Variants in CAPRIN2 observed in about 807,000 individuals in gnomAD.
The protein encoded by CAPRIN2 is caprin-2.
CAPRIN2 carries 66 observed loss-of-function variants against 130.4 expected under a neutral mutation model. That is an observed-to-expected ratio of 0.51 (90% CI 0.42 to 0.62). The LOEUF (loss-of-function observed/expected upper bound fraction) is 0.62, where lower values mean the gene tolerates loss of function less well. Ranked by LOEUF, CAPRIN2 falls within the 20% of genes least tolerant of loss-of-function variation. CAPRIN2 has a pLI of 0.00. For synonymous variants in CAPRIN2, 471 were observed against 444.1 expected (o/e 1.06, Z -0.76); for missense variants, 1,185 against 1,246.6 (o/e 0.95, Z 0.74).
intron 12 of CAPRIN2, chr12:30,719,127 A>C: frequency 6.2e-7 from 1 of 1,614,078 alleles, no homozygotes; most frequent in Non-Finnish European, 8.5e-7. Flanking sequence ...CTGAACTACT[A>C]CTTGCTGGAG....
At position 30,731,525 on chromosome 12, in the gene CAPRIN2, T is replaced by C. The variant is rs2062672437; in HGVS notation, c.893-15A>G. 16 of 1,601,874 alleles carry C rather than the reference T, an allele frequency of 1.0e-5. No homozygotes were observed. Among genetic ancestry groups the C allele is most frequent in the Non-Finnish European group, 1.4e-5 (16 of 1,173,004 alleles). On this transcript the variant is annotated splice_polypyrimidine_tract_variant and intron_variant, in intron 5 of 16. Transcript: ENST00000298892. Reference sequence around the variant, plus strand: ...CAAGTGTTTGTCTAAGAAAGAGTGATTAAGACTTAATTGTCACATGACCTA... The same window carrying C: ...CAAGTGTTTGTCTAAGAAAGAGTGACTAAGACTTAATTGTCACATGACCTA...
chr12:30,719,421 C>T (rs2058676122), intron 12 of CAPRIN2, 196 bp from the exon 14 acceptor site: 2 of 583,750 alleles, frequency 3.4e-6, no homozygotes, highest in Middle Eastern at 4.6e-4. Context: ...CTTTGCACAG[C>T]TTGCTGACTA....
At position 30,713,872 on chromosome 12, in the gene CAPRIN2, A is replaced by C; in HGVS notation, c.2514T>G (p.Tyr838Ter). The C allele has an allele frequency of 1.3e-6, 2 of 1,593,552 alleles. No homozygotes were observed. Among genetic ancestry groups the C allele is most frequent in the Non-Finnish European group, 1.7e-6 (2 of 1,162,072 alleles). The change falls in exon 15 of 17, where the codon TAT (tyrosine) becomes TAG (stop). Residue 838 changes from tyrosine (Y) to a stop codon, truncating the protein, a stop_gained. Transcript: ENST00000298892. LOFTEE classifies it high-confidence loss of function. The stretch of plus-strand genomic sequence containing the variant: ...CATTGGAAATTGAAGGGAGTCCTCT[A>C]TAAGTATCAAAACCTAATAAATAAA...
intron 6 of CAPRIN2, among the ~76,000 whole-genome samples, chr12:30,730,508 C>G (rs935872481): frequency 2.0e-5 from 3 of 152,126 alleles, no homozygotes; most frequent in Admixed American, 2.0e-4. Flanking sequence ...AGACACTTTA[C>G]GAAAGTCAAG....
intron 16 of CAPRIN2, among the ~76,000 whole-genome samples, chr12:30,711,134 C>A (rs2054332526): frequency 6.6e-6 from 1 of 152,130 alleles, no homozygotes; most frequent in Non-Finnish European, 1.5e-5. Flanking sequence ...AGTTCCTTCA[C>A]ATTTTAAAAA....
intron 2 of CAPRIN2, among the ~76,000 whole-genome samples, chr12:30,744,535 C>T (rs1166134715): frequency 1.3e-5 from 2 of 152,150 alleles, no homozygotes; most frequent in African/African-American, 4.8e-5. Context: ...TCTGCCTAGC[C>T]TTCTGTTCTT....
Position 30,710,212 on chromosome 12 carries a change from T to G in CAPRIN2, c.2924A>C (p.Asn975Thr). 10 of 1,614,172 alleles carry G rather than the reference T, an allele frequency of 6.2e-6. No individual in the cohort carries two copies. The highest frequency in any genetic ancestry group is 8.5e-6 in the Non-Finnish European group (10 of 1,180,032). ...CTGAAGATCAAAAGTTTCTCCTAAG[T>G]TGTTCAGAAGAAGATCAAACACAAT... is the stretch of plus-strand genomic sequence containing the variant. Residue 975 changes from asparagine to threonine, a missense_variant, in exon 17 of 17, where the codon AAC becomes ACC. Asn to Thr is a moderately conservative substitution (Grantham distance 65). Coordinates refer to ENST00000298892, the Ensembl canonical transcript of CAPRIN2. This position sits in a 1 kb window ranked among gnomAD's most constrained non-coding sequence, Gnocchi z 4.8.
chr12:30,724,117 C>A (rs1205783182), intron 10 of CAPRIN2, among the ~76,000 whole-genome samples: 4 of 152,190 alleles, frequency 2.6e-5, no homozygotes, highest in African/African-American at 9.6e-5. Flanking sequence ...ACATAAATTA[C>A]AAAAACAGCT....
intron 8 of CAPRIN2, among the ~76,000 whole-genome samples, 179 bp from the exon 10 acceptor site, chr12:30,726,267 C>T (rs1017471839): frequency 7.9e-5 from 12 of 152,106 alleles, no homozygotes; most frequent in Non-Finnish European, 2.9e-5. Context: ...AGATTTTTCC[C>T]CTTCACAATT....
At chr12:30,713,915 A>G (rs1187369424) in intron 14 of CAPRIN2, 30 bp from the exon 17 acceptor site, 3 of 1,271,024 alleles carry the variant, frequency 2.4e-6, no homozygotes, top group Non-Finnish European at 3.4e-6. Flanking sequence ...ACATAAGATT[A>G]TGGACAAAAT....
intron 3 of CAPRIN2, among the ~76,000 whole-genome samples, chr12:30,737,735 C>T (rs1236007056): frequency 6.6e-6 from 1 of 151,634 alleles, no homozygotes; most frequent in Non-Finnish European, 1.5e-5. Context: ...GTAGCTGGGA[C>T]TACAGGCACC....
At chr12:30,732,115 C>A (rs1404351951) in intron 5 of CAPRIN2, among the ~76,000 whole-genome samples, 1 of 151,956 alleles carries the variant, frequency 6.6e-6, no homozygotes, top group Non-Finnish European at 1.5e-5. Context: ...TTTTCAACTA[C>A]AAAATTCCAT....
At chr12:30,737,620 C>T (rs555238925) in intron 3 of CAPRIN2, among the ~76,000 whole-genome samples, 3 of 125,216 alleles carry the variant, frequency 2.4e-5, no homozygotes, top group East Asian at 2.5e-4. Context: ...TTTTTTGAGA[C>T]GTAGTCTCAC....
chr12:30,717,580 T>C (rs1306435804), intron 12 of CAPRIN2, among the ~76,000 whole-genome samples: 1 of 151,796 alleles, frequency 6.6e-6, no homozygotes, highest in Admixed American at 6.6e-5. Context: ...TTCTGTTACA[T>C]ACATTTTACC....
At chr12:30,720,878 C>T (rs1022139988) in exon 12 of CAPRIN2, 1 of 1,613,748 alleles carries the variant, frequency 6.2e-7, no homozygotes, top group Non-Finnish European at 8.5e-7. Flanking sequence ...AGTAACCAAG[C>T]AAGCATTTGA....
chr12:30,728,825 T>G (rs1488613882), exon 8 of CAPRIN2: 1 of 1,614,182 alleles, frequency 6.2e-7, no homozygotes, highest in Non-Finnish European at 8.5e-7. Context: ...AATCCTGTTC[T>G]TCACACATGG....
chr12:30,746,962 A>C (rs530444715), intron 2 of CAPRIN2, among the ~76,000 whole-genome samples: 10 of 152,342 alleles, frequency 6.6e-5, no homozygotes, highest in Admixed American at 1.3e-4. Context: ...TAGGACTTCC[A>C]TAACTAGAGA....
At chr12:30,737,118 C>G (rs1005160003) in intron 3 of CAPRIN2, among the ~76,000 whole-genome samples, 7 of 152,056 alleles carry the variant, frequency 4.6e-5, no homozygotes, top group Non-Finnish European at 1.0e-4. Context: ...GATCCTCCCA[C>G]CTCAGCCTCC....
At chr12:30,753,493 G>A in exon 1 of CAPRIN2, 3 of 1,614,192 alleles carry the variant, frequency 1.9e-6, no homozygotes, top group Non-Finnish European at 2.5e-6. Flanking sequence ...TGCTGACTGT[G>A]GTTCACTTGG....
Sources: gnomAD v4.1 joint callset for allele counts (sites outside exome capture counted in the v4.1 genomes callset) on GRCh38, gnomAD v4.1.1 for gene constraint, Gnocchi (gnomAD v3.1) non-coding constraint, MANE v1.5 for transcripts, NCBI Gene and HGNC (gene_info 2026-07-23, HGNC 2026-07-21) for gene names.